Variants in PLXNA4 observed in about 807,000 individuals in gnomAD.
The protein encoded by PLXNA4 is plexin-A4.
In PLXNA4, 44 loss-of-function variants were observed where a neutral mutation model predicts 191.8. The ratio of observed to expected loss-of-function variants is 0.23; its 90% CI spans 0.18 to 0.29. The LOEUF is 0.29. Ranked by LOEUF, PLXNA4 falls within the 10% of genes least tolerant of loss-of-function variation. PLXNA4 has a pLI of 1.00. For missense variants in PLXNA4, 1,800 were observed against 2,488.8 expected (o/e 0.72, Z 5.89); for synonymous variants, 1,082 against 1,009.5 (o/e 1.07, Z -1.36).
chr7:132,146,970 A>G (rs557027488), intron 27 of PLXNA4, among the ~76,000 whole-genome samples: 1 of 152,280 alleles, frequency 6.6e-6, no homozygotes, highest in African/African-American at 2.4e-5. Context: ...TTAATTATTC[A>G]ATTTGTAAAA....
chr7:132,133,138 C>G lies in PLXNA4; in HGVS notation c.5500G>C (p.Ala1834Pro). 6.2e-7 allele frequency: 1 copy of G among 1,614,164 alleles called. No individual in the cohort carries two copies. Among genetic ancestry groups the G allele is most frequent in the Non-Finnish European group, 8.5e-7 (1 of 1,180,030 alleles). The change falls in exon 31 of 32, where the codon GCT (alanine) becomes CCT (proline). Residue 1834 changes from alanine to proline, a missense_variant. Ala to Pro is a conservative substitution (Grantham distance 27). Transcript: ENST00000321063. Reference protein sequence around the residue: ...ISDQDMNAYLAEQSRMHMNEF... With the variant: ...ISDQDMNAYLPEQSRMHMNEF... ...TTCATGTGCATCCGGGACTGCTCAG[C>G]CAGGTATGCGTTCATGTCTTGGTCG...
At chr7:132,588,177 C>G (rs1446625391) in intron 2 of PLXNA4, among the ~76,000 whole-genome samples, 1 of 152,144 alleles carries the variant, frequency 6.6e-6, no homozygotes, top group Non-Finnish European at 1.5e-5. Context: ...TCATCTCATC[C>G]TATGGACTGT....
At chr7:132,371,533 A>C (rs79271882) in intron 3 of PLXNA4, among the ~76,000 whole-genome samples, 8,383 of 152,260 alleles carry the variant, frequency 0.055, 268 homozygotes, top group African/African-American at 0.078. Flanking sequence ...GGGATAGAAA[A>C]TTAATCCTCC....
chr7:132,146,813 C>T (rs772821985), intron 27 of PLXNA4, 113 bp from the exon 28 acceptor site: 2 of 1,533,148 alleles, frequency 1.3e-6, no homozygotes, highest in Non-Finnish European at 1.8e-6. Context: ...ATCATTCCTG[C>T]CATTGGTCGG....
intron 3 of PLXNA4, among the ~76,000 whole-genome samples, chr7:132,407,804 A>C (rs1409989048): frequency 6.6e-6 from 1 of 152,258 alleles, no homozygotes; most frequent in African/African-American, 2.4e-5. Flanking sequence ...GCTATGCCAC[A>C]GAACATGAAC....
At chr7:132,218,905 A>G (rs904309361) in intron 9 of PLXNA4, among the ~76,000 whole-genome samples, 3 of 152,218 alleles carry the variant, frequency 2.0e-5, no homozygotes, top group African/African-American at 2.4e-5. Flanking sequence ...TAATATAATA[A>G]CAACAATGAT....
At chr7:132,518,104 C>T (rs764263032) in intron 1 of PLXNA4, among the ~76,000 whole-genome samples, 3 of 152,238 alleles carry the variant, frequency 2.0e-5, no homozygotes, top group East Asian at 1.9e-4. Flanking sequence ...TCATGCAGCT[C>T]GCTACAGTCT....
chr7:132,623,070 C>T (rs1803301179), intron 2 of PLXNA4, among the ~76,000 whole-genome samples: 1 of 152,152 alleles, frequency 6.6e-6, no homozygotes, highest in Admixed American at 6.5e-5. Context: ...ATTGGCTGGG[C>T]ATGGTGGCTC....
chr7:132,281,415 A>T lies in PLXNA4; in HGVS notation c.1503+16676T>A, dbSNP rs75640949. Among the ~76,000 whole-genome samples, 643 of 152,204 alleles carry T rather than the reference A, an allele frequency of 4.2e-3. 2 individuals carry two copies. Among genetic ancestry groups the T allele is most frequent in the Non-Finnish European group, 7.4e-3 (505 of 68,012 alleles). On this transcript the variant is annotated intron_variant, in intron 4 of 31. Transcript: ENST00000321063. ...TCTTGGAACTAATCGGAGGGTGCTG[A>T]ATTTTTATATTTTTTAACAAAGGGG...
chr7:132,175,021 A>G, intron 20 of PLXNA4, 101 bp from the exon 21 acceptor site: 1 of 1,528,800 alleles, frequency 6.5e-7, no homozygotes, highest in Non-Finnish European at 8.8e-7. Context: ...CCTAGGAGAC[A>G]TGAGCAATGG....
At chr7:132,509,263 A>T (rs1798614329) in intron 1 of PLXNA4, among the ~76,000 whole-genome samples, 1 of 152,098 alleles carries the variant, frequency 6.6e-6, no homozygotes, top group Non-Finnish European at 1.5e-5. Flanking sequence ...CTCTGCACAC[A>T]GTTTCTCCGT....
intron 3 of PLXNA4, among the ~76,000 whole-genome samples, chr7:132,364,174 G>A (rs1804062031): frequency 1.3e-5 from 2 of 152,232 alleles, no homozygotes; most frequent in African/African-American, 4.8e-5. Flanking sequence ...TGGGTATGGG[G>A]AGGGAACAAT....
At chr7:132,436,035 A>T (rs1360863838) in intron 3 of PLXNA4, among the ~76,000 whole-genome samples, 1 of 152,230 alleles carries the variant, frequency 6.6e-6, no homozygotes, top group Non-Finnish European at 1.5e-5. Context: ...TCCAGTTCCC[A>T]GAAAATGATG....
intron 3 of PLXNA4, among the ~76,000 whole-genome samples, chr7:132,338,837 TGGACA>T (rs889029677): frequency 4.7e-4 from 72 of 152,188 alleles, no homozygotes; most frequent in African/African-American, 1.7e-3. Flanking sequence ...ACCCATCCTC[TGGACA>T]GGAAAATGGT....
chr7:132,307,309 G>A (rs1055675858), intron 3 of PLXNA4, among the ~76,000 whole-genome samples: 7 of 151,926 alleles, frequency 4.6e-5, no homozygotes, highest in Admixed American at 3.9e-4. Flanking sequence ...TTTTCACAGC[G>A]CTTGTCCCCT....
intron 3 of PLXNA4, among the ~76,000 whole-genome samples, chr7:132,300,825 G>C (rs1394500092): frequency 1.3e-5 from 2 of 152,260 alleles, no homozygotes; most frequent in Non-Finnish European, 2.9e-5. Flanking sequence ...GGCCAGAGCA[G>C]GGTCCCCAGG....
intron 4 of PLXNA4, among the ~76,000 whole-genome samples, chr7:132,255,814 T>C (rs1799412228): frequency 6.6e-6 from 1 of 152,200 alleles, no homozygotes; most frequent in Non-Finnish European, 1.5e-5. Context: ...TCTGAGAGCT[T>C]TTGCTCTGCT....
intron 3 of PLXNA4, among the ~76,000 whole-genome samples, chr7:132,448,770 A>T (rs1796003213): frequency 1.3e-5 from 2 of 152,242 alleles, no homozygotes; most frequent in African/African-American, 4.8e-5. Flanking sequence ...GAGTCAGAGA[A>T]GGAAGAACCA....
intron 3 of PLXNA4, among the ~76,000 whole-genome samples, chr7:132,328,471 GGGCCTCCT>G (rs1408108801): frequency 6.6e-6 from 1 of 152,160 alleles, no homozygotes; most frequent in Non-Finnish European, 1.5e-5. Context: ...AGGAGCGGGG[GGGCCTCCT>G]GCCCCTGCCC....
Sources: allele counts gnomAD v4.1 joint callset (sites outside exome capture counted in the v4.1 genomes callset), GRCh38; gene constraint gnomAD v4.1.1; transcripts MANE v1.5; gene names NCBI Gene and HGNC (gene_info 2026-07-23, HGNC 2026-07-21).